RAF1: variants seen among roughly 807,000 people sequenced by gnomAD.
RAF1 encodes the protein Raf-1 proto-oncogene, serine/threonine kinase, also known as RAF proto-oncogene serine/threonine-protein kinase.
A neutral mutation model predicts 81.1 loss-of-function variants in RAF1; 27 were observed. The ratio of observed to expected loss-of-function variants is 0.33; its 90% confidence interval spans 0.25 to 0.46. The LOEUF is 0.46. RAF1 is among the 20% of genes least tolerant of loss of function. RAF1 has a pLI of 1.00. For missense variants in RAF1, 598 were observed against 826.0 expected (o/e 0.72, Z 3.38); for synonymous variants, 298 against 294.0 (o/e 1.01, Z -0.14).
chr3:12,621,426 C>A (rs1367750586), intron 1 of RAF1, among the ~76,000 whole-genome samples: 1 of 152,086 alleles, frequency 6.6e-6, no homozygotes, highest in East Asian at 1.9e-4. Flanking sequence ...CATCACATGC[C>A]CAAATCAAGA....
intron 1 of RAF1, among the ~76,000 whole-genome samples, chr3:12,652,622 T>C (rs2060567889): frequency 6.6e-6 from 1 of 152,118 alleles, no homozygotes; most frequent in African/African-American, 2.4e-5. Context: ...AAACAAATGT[T>C]AAGATGCAGT....
intron 1 of RAF1, among the ~76,000 whole-genome samples, chr3:12,651,112 T>G (rs2060509823): frequency 6.6e-6 from 1 of 152,230 alleles, no homozygotes; most frequent in South Asian, 2.1e-4. Context: ...AAGGCACTCA[T>G]TATAAATAGC....
At chr3:12,585,098 C>G (rs1264200672) in intron 16 of RAF1, 24 bp downstream of exon 15, 1 of 1,613,942 alleles carries the variant, frequency 6.2e-7, no homozygotes, top group Non-Finnish European at 8.5e-7. Context: ...CGAGTTGGGT[C>G]CTTTCGCACC....
At chr3:12,598,755 C>CAAAAAAAAA (rs1559418330) in intron 11 of RAF1, among the ~76,000 whole-genome samples, 1 of 98,930 alleles carries the variant, frequency 1.0e-5, no homozygotes, top group Non-Finnish European at 2.3e-5. Flanking sequence ...AAAAAAAAAC[C>CAAAAAAAAA]ACCAAGTACT....
chr3:12,622,559 C>T (rs768802203), intron 1 of RAF1, among the ~76,000 whole-genome samples: 1 of 152,182 alleles, frequency 6.6e-6, no homozygotes, highest in Non-Finnish European at 1.5e-5. Flanking sequence ...TTTAGAGAGG[C>T]TTTCCCTAAC....
At chr3:12,619,567 C>CAAAA (rs544916552) in intron 1 of RAF1, among the ~76,000 whole-genome samples, 1 of 81,100 alleles carries the variant, frequency 1.2e-5, no homozygotes, top group Non-Finnish European at 2.6e-5. Context: ...CTCCATCTCC[C>CAAAA]AAAAAAAAAA....
chr3:12,623,686 C>A (rs1042843288), intron 1 of RAF1, among the ~76,000 whole-genome samples: 11 of 151,056 alleles, frequency 7.3e-5, no homozygotes, highest in Non-Finnish European at 1.3e-4. Context: ...CCCAGCTACT[C>A]AGGAGGCTGA....
At chr3:12,611,332 G>A (rs948463294) in intron 3 of RAF1, among the ~76,000 whole-genome samples, 3 of 151,790 alleles carry the variant, frequency 2.0e-5, no homozygotes, top group East Asian at 1.9e-4. Context: ...ATATTCTCAC[G>A]TCAGCCTTTC....
chr3:12,628,751 T>TGC (rs1491323037), intron 1 of RAF1, among the ~76,000 whole-genome samples: 25 of 82,218 alleles, frequency 3.0e-4, no homozygotes, highest in African/African-American at 9.9e-4. Context: ...AGACTATTTT[T>TGC]GGGGGGGGGG....
chr3:12,637,120 A>G (rs896594318), intron 1 of RAF1, among the ~76,000 whole-genome samples: 2 of 152,184 alleles, frequency 1.3e-5, no homozygotes, highest in Non-Finnish European at 2.9e-5. Context: ...TACCTCCGCT[A>G]GTAAAACAAA....
intron 1 of RAF1, among the ~76,000 whole-genome samples, chr3:12,654,082 C>A (rs145521458): frequency 1.7e-4 from 25 of 151,472 alleles, no homozygotes; most frequent in African/African-American, 6.1e-4. Context: ...GCCTCCAATT[C>A]CTGGACTCAA....
intron 1 of RAF1, among the ~76,000 whole-genome samples, chr3:12,643,262 T>C (rs1006446067): frequency 6.6e-6 from 1 of 152,160 alleles, no homozygotes; most frequent in South Asian, 2.1e-4. Context: ...TCCAGAGAGC[T>C]TGCAGAGTTC....
rs1341312674 is a variant in RAF1 at position 12,640,032 on chromosome 3, T to C, written c.-26-21285A>G. Among the ~76,000 whole-genome samples the C allele has an allele frequency of 2.6e-5, 4 of 151,972 alleles. 1 individual carries two copies. The highest frequency in any genetic ancestry group is 9.7e-5 in the African/African-American group (4 of 41,360). On this transcript the variant is annotated intron_variant, in intron 1 of 17. Coordinates refer to ENST00000442415, the MANE Select transcript of RAF1 (RefSeq NM_001354689.3). ...GTACCAAAACAGAGATAGAGACCAA[T>C]GGAACAGAACAGAGCCGCCAGAAAT... is the stretch of plus-strand genomic sequence containing the variant.
chr3:12,592,334 T>C (rs2058541514), intron 11 of RAF1, among the ~76,000 whole-genome samples: 1 of 152,180 alleles, frequency 6.6e-6, no homozygotes, highest in East Asian at 1.9e-4. Flanking sequence ...GAATCCACAT[T>C]TCAGTGAGAC....
chr3:12,588,488 CTGTA>C (rs1162439088), intron 13 of RAF1: 4 of 152,172 alleles, frequency 2.6e-5, no homozygotes, highest in Non-Finnish European at 5.9e-5. Flanking sequence ...GGCTACAAAA[CTGTA>C]TGGCCCTCAG....
chr3:12,610,595 C>T (rs1297647669), intron 3 of RAF1, among the ~76,000 whole-genome samples: 2 of 152,172 alleles, frequency 1.3e-5, no homozygotes, highest in Non-Finnish European at 2.9e-5. Flanking sequence ...CAAAAGTTAA[C>T]GTCTGCTTCA....
chr3:12,655,000 A>ACCCCCCCCCCC (rs35380724), intron 1 of RAF1, among the ~76,000 whole-genome samples: 1 of 128,120 alleles, frequency 7.8e-6, no homozygotes, highest in Non-Finnish European at 1.6e-5. Context: ...ACATAGTGAG[A>ACCCCCCCCCCC]CCCCCCCCCC....
chr3:12,614,595 T>C (rs1016552915), intron 2 of RAF1, among the ~76,000 whole-genome samples: 3 of 91,040 alleles, frequency 3.3e-5, no homozygotes, highest in Non-Finnish European at 2.4e-5. Flanking sequence ...CTAGCTAATG[T>C]TTTTTTTTTT....
chr3:12,641,482 G>GT (rs1341302472), intron 1 of RAF1, among the ~76,000 whole-genome samples: 2 of 142,226 alleles, frequency 1.4e-5, no homozygotes, highest in Non-Finnish European at 3.1e-5. Context: ...AAAAAAAAAT[G>GT]TTTTTTGGTT....
Sources: allele counts gnomAD v4.1 joint callset (sites outside exome capture counted in the v4.1 genomes callset), GRCh38; gene constraint gnomAD v4.1.1; transcripts MANE v1.5; gene names NCBI Gene and HGNC (gene_info 2026-07-23, HGNC 2026-07-21).